DIP2C: variants seen among roughly 807,000 people sequenced by gnomAD.
DIP2C encodes the protein DIP2 acetate--CoA ligase C (putative).
A neutral mutation model predicts 192.4 loss-of-function variants in DIP2C; 33 were observed. The ratio of observed to expected loss-of-function variants is 0.17; its 90% CI spans 0.13 to 0.23. The LOEUF is 0.23. Among genes scored for constraint, DIP2C ranks in the 10% least tolerant of loss-of-function variants. DIP2C has a pLI of 1.00. For missense variants in DIP2C, 1,537 were observed against 2,110.1 expected (o/e 0.73, Z 5.32); for synonymous variants, 979 against 864.1 (o/e 1.13, Z -2.33).
chr10:626,826 G>A (rs901037030), intron 1 of DIP2C, among the ~76,000 whole-genome samples: 5 of 152,216 alleles, frequency 3.3e-5, no homozygotes, highest in Admixed American at 6.5e-5. Flanking sequence ...TGAAAACATC[G>A]GTGTCCAAAA....
chr10:568,745 GAC>G (rs1849589285), intron 1 of DIP2C, among the ~76,000 whole-genome samples: 1 of 117,624 alleles, frequency 8.5e-6, no homozygotes, highest in East Asian at 2.7e-4. Context: ...CAGCCTGGGC[GAC>G]AGAGGGAAAC....
chr10:627,397 G>T (rs1854265431), intron 1 of DIP2C, among the ~76,000 whole-genome samples: 1 of 152,214 alleles, frequency 6.6e-6, no homozygotes, highest in African/African-American at 2.4e-5. Flanking sequence ...TTTTCAGCTG[G>T]GTTCGCTGCT....
rs1043014331 is a variant in DIP2C, at chr10:324,686, T to C, written c.3924+2320A>G. 4.4e-5 allele frequency: 10 copies of C among 229,096 alleles called. No individual in the cohort carries two copies. The Admixed American group carries it at 5.2e-4, about 12-fold the overall frequency. 14.2% of individuals were successfully genotyped at this position (229,096 alleles called of 1,614,324 possible). A position where few individuals can be genotyped will look rare whatever the true frequency, so the allele number is the denominator to read the frequency against. ...AGCGGTCATATTGACAGAATTGTCTTCTGCACAAGAACATATTGCCATTTC... is the reference window on the plus strand; with the variant it reads ...AGCGGTCATATTGACAGAATTGTCTCCTGCACAAGAACATATTGCCATTTC... On this transcript the variant is annotated intron_variant, in intron 31 of 36. Coordinates refer to ENST00000280886, the MANE Select transcript of DIP2C (RefSeq NM_014974.3).
intron 1 of DIP2C, among the ~76,000 whole-genome samples, chr10:599,020 C>T (rs180946163): frequency 6.6e-6 from 1 of 152,364 alleles, no homozygotes; most frequent in East Asian, 1.9e-4. Context: ...ATCCTTGCAT[C>T]ATAAAGCGGC....
At chr10:579,917 T>G (rs184013443) in intron 1 of DIP2C, among the ~76,000 whole-genome samples, 2 of 152,166 alleles carry the variant, frequency 1.3e-5, no homozygotes, top group Non-Finnish European at 2.9e-5. Context: ...ATGCATACAA[T>G]GTACATATAG....
rs963544395 is a variant in DIP2C, at chr10:666,857, C to G, written c.85+22637G>C. The G allele has an allele frequency of 2.0e-5, 3 of 152,486 alleles. No individual in the cohort carries two copies. The highest frequency in any genetic ancestry group is 2.1e-4 in the South Asian group (1 of 4,830). The allele number at this position is 152,486 out of a possible 1,614,324, so 9.4% of individuals were successfully genotyped here. ...CCACAGGCAGACCCCGGCCGGCAAG[C>G]TGCCCCAAGAAGCAGTGCGCCTCCC... On this transcript the variant is annotated intron_variant, in intron 1 of 36. Coordinates refer to ENST00000280886, the MANE Select transcript of DIP2C (RefSeq NM_014974.3). This position sits in a 1 kb window ranked among gnomAD's most constrained non-coding sequence, Gnocchi z 4.1.
intron 32 of DIP2C, among the ~76,000 whole-genome samples, chr10:297,028 A>C (rs1418966348): frequency 1.3e-5 from 2 of 151,994 alleles, no homozygotes; most frequent in African/African-American, 4.8e-5. Context: ...CCTAGAACTT[A>C]AAGTATAATA....
intron 1 of DIP2C, among the ~76,000 whole-genome samples, chr10:593,790 G>A (rs536817582): frequency 2.0e-5 from 3 of 152,252 alleles, no homozygotes; most frequent in African/African-American, 7.2e-5. Flanking sequence ...TCTCCCCTCT[G>A]GACAGTAAAG....
At chr10:572,546 T>TA in intron 1 of DIP2C, among the ~76,000 whole-genome samples, 1 of 152,092 alleles carries the variant, frequency 6.6e-6, no homozygotes, top group South Asian at 2.1e-4. Context: ...ATGAGAAAAA[T>TA]AGTTTTCTAT....
intron 1 of DIP2C, among the ~76,000 whole-genome samples, chr10:688,919 C>T (rs1013588353): frequency 6.6e-6 from 1 of 152,180 alleles, no homozygotes; most frequent in African/African-American, 2.4e-5. Context: ...CGCGCCAGGA[C>T]CGCTGCACGG....
chr10:618,353 C>A (rs1480079822), intron 1 of DIP2C, among the ~76,000 whole-genome samples: 1 of 152,152 alleles, frequency 6.6e-6, no homozygotes, highest in Non-Finnish European at 1.5e-5. Flanking sequence ...TCTGCTGAAA[C>A]ACAACCAAGC....
chr10:531,041 G>A (rs1383874639), intron 1 of DIP2C, among the ~76,000 whole-genome samples: 1 of 152,002 alleles, frequency 6.6e-6, no homozygotes, highest in Non-Finnish European at 1.5e-5. Context: ...AAAAGCTGCA[G>A]ACCCTGAGCC....
chr10:459,840 G>T (rs544486776), intron 3 of DIP2C, among the ~76,000 whole-genome samples: 3 of 138,748 alleles, frequency 2.2e-5, no homozygotes, highest in Admixed American at 7.2e-5. Context: ...CGTGCTGCAC[G>T]TAGGCTCTAG....
At chr10:547,484 G>C (rs1035746689) in intron 1 of DIP2C, among the ~76,000 whole-genome samples, 10 of 152,044 alleles carry the variant, frequency 6.6e-5, no homozygotes, top group African/African-American at 2.4e-4. Flanking sequence ...AAATACTCAG[G>C]CCTCATGTTA....
chr10:650,776 A>C (rs1855832406), intron 1 of DIP2C: 4 of 666,788 alleles, frequency 6.0e-6, no homozygotes, highest in Non-Finnish European at 1.1e-5. Context: ...GTTTTCTGTA[A>C]TTTGCAACCA....
At chr10:597,518 T>C (rs61832966) in intron 1 of DIP2C, among the ~76,000 whole-genome samples, 19,325 of 152,246 alleles carry the variant, frequency 0.13, 2,082 homozygotes, top group African/African-American at 0.3. Flanking sequence ...CAGAGGTGTG[T>C]GCCGAGGACA....
chr10:470,955 GAC>G (rs373222393), intron 3 of DIP2C, among the ~76,000 whole-genome samples: 4 of 152,278 alleles, frequency 2.6e-5, no homozygotes, highest in Admixed American at 6.5e-5. Flanking sequence ...TGGCAGCACT[GAC>G]ACACAGTGAG....
chr10:416,371 G>C (rs1433958073), intron 6 of DIP2C, among the ~76,000 whole-genome samples: 1 of 152,012 alleles, frequency 6.6e-6, no homozygotes, highest in Non-Finnish European at 1.5e-5. Context: ...TCGGGCCGCT[G>C]AGTCACGTCT....
chr10:548,209 C>CA (rs966819383), intron 1 of DIP2C, among the ~76,000 whole-genome samples: 2 of 34,902 alleles, frequency 5.7e-5, no homozygotes, highest in African/African-American at 1.9e-4. Flanking sequence ...GTCTGCCCCA[C>CA]CCCCCCCCCC....
Sources: allele counts gnomAD v4.1 joint callset (sites outside exome capture counted in the v4.1 genomes callset), GRCh38; gene constraint gnomAD v4.1.1; non-coding constraint Gnocchi (gnomAD v3.1); transcripts MANE v1.5; gene names NCBI Gene and HGNC (gene_info 2026-07-23, HGNC 2026-07-21).